TIAM1: variants seen among roughly 807,000 people sequenced by gnomAD.
TIAM1 encodes the protein TIAM Rac1 associated GEF 1.
A neutral mutation model predicts 163.5 loss-of-function variants in TIAM1; 65 were observed. The ratio of observed to expected loss-of-function variants is 0.40; its 90% CI spans 0.33 to 0.49. TIAM1 has a LOEUF of 0.49. TIAM1 is among the 20% of genes least tolerant of loss of function. TIAM1 has a pLI of 0.77. For synonymous variants in TIAM1, 833 were observed against 810.1 expected, an observed-to-expected ratio of 1.03 and a Z score of -0.48; for missense variants, 1,789 against 2,044.7, an observed-to-expected ratio of 0.87 and a Z score of 2.41.
intron 23 of TIAM1, among the ~76,000 whole-genome samples, chr21:31,133,997 G>A (rs1336395405): frequency 6.6e-6 from 1 of 152,044 alleles, no homozygotes; most frequent in Non-Finnish European, 1.5e-5. Context: ...GAACCTGGGA[G>A]GCAGAGGTTG....
At chr21:31,458,347 G>A (rs2045191310) in intron 2 of TIAM1, among the ~76,000 whole-genome samples, 1 of 151,936 alleles carries the variant, frequency 6.6e-6, no homozygotes, top group African/African-American at 2.4e-5. Context: ...TTGAACCCGG[G>A]AGACGGAGGT....
chr21:31,258,740 G>A (rs148480576), intron 4 of TIAM1, among the ~76,000 whole-genome samples: 5,423 of 151,716 alleles, frequency 0.036, 302 homozygotes, highest in African/African-American at 0.12. Context: ...ACTTGAACCC[G>A]GGAGGCGGAG....
intron 6 of TIAM1, among the ~76,000 whole-genome samples, chr21:31,237,443 T>C (rs1229827708): frequency 6.6e-6 from 1 of 152,226 alleles, no homozygotes; most frequent in Non-Finnish European, 1.5e-5. Flanking sequence ...ACTTAATTTT[T>C]GTAAAGATGC....
chr21:31,451,677 A>G (rs2147326444), intron 2 of TIAM1, among the ~76,000 whole-genome samples: 1 of 72,466 alleles, frequency 1.4e-5, no homozygotes, highest in East Asian at 2.6e-4. Context: ...TGGACAATTA[A>G]GCCAACACCA....
chr21:31,292,259 T>C (rs1382646676), intron 2 of TIAM1, among the ~76,000 whole-genome samples: 1 of 152,218 alleles, frequency 6.6e-6, no homozygotes, highest in East Asian at 1.9e-4. Flanking sequence ...TCTTTCCTCT[T>C]GTGTCCTTCT....
At chr21:31,331,487 C>T (rs2075677140) in intron 2 of TIAM1, among the ~76,000 whole-genome samples, 1 of 152,200 alleles carries the variant, frequency 6.6e-6, no homozygotes, top group South Asian at 2.1e-4. Flanking sequence ...GAAACTACTT[C>T]TCAACTATCT....
intron 2 of TIAM1, among the ~76,000 whole-genome samples, chr21:31,394,797 C>T (rs967791571): frequency 1.3e-5 from 2 of 151,420 alleles, no homozygotes; most frequent in Non-Finnish European, 2.9e-5. Context: ...CCAGGGCAAA[C>T]ACACAGGGCT....
chr21:31,331,223 A>G (rs1377486794), intron 2 of TIAM1, among the ~76,000 whole-genome samples: 2 of 152,234 alleles, frequency 1.3e-5, no homozygotes, highest in Admixed American at 6.5e-5. Context: ...TGGACACAGG[A>G]GTAGAAATGA....
chr21:31,343,466 G>A (rs1475599583), intron 1 of TIAM1, among the ~76,000 whole-genome samples: 1 of 152,158 alleles, frequency 6.6e-6, no homozygotes, highest in African/African-American at 2.4e-5. Context: ...AGGTAAGCTA[G>A]CTTTCACAGA....
In TIAM1 at chr21:31,141,621, T is replaced by G. The variant is rs1601250089; in HGVS notation, c.3476-117A>C. On this transcript the variant is annotated intron_variant, in intron 20 of 27. Transcript: ENST00000541036. The surrounding 1 kb of genome is among the most constrained non-coding windows in gnomAD (Gnocchi z 4.7). ...CCTTTTTGCAGGACTGAGCAGAGAG[T>G]GGGTGGCAGGAAGAGGGACAGGTAG... The G allele has an allele frequency of 4.3e-6, 5 of 1,170,994 alleles. No homozygotes were observed. The highest frequency in any genetic ancestry group is 3.0e-5 in the South Asian group (2 of 65,698). 72.5% of individuals were successfully genotyped at this position (1,170,994 alleles called of 1,614,324 possible). A position where few individuals can be genotyped will look rare whatever the true frequency, so the allele number is the denominator to read the frequency against.
chr21:31,252,170 C>T lies in TIAM1; in HGVS notation c.983G>A (p.Gly328Asp). 1 of 1,606,472 alleles carries T rather than the reference C, an allele frequency of 6.2e-7. No individual in the cohort carries two copies. Among genetic ancestry groups the T allele is most frequent in the Non-Finnish European group, 8.5e-7 (1 of 1,179,662 alleles). The stretch of plus-strand genomic sequence containing the variant: ...AATCCCACTGTCTGCAAACTCACTG[C>T]CCTCGCCTGCATTAACATCCTTGGG... ...KTTQDVNAGEGSEFADSGIEG... is the reference protein window; with the variant it reads ...KTTQDVNAGEDSEFADSGIEG... The change falls in exon 5 of 28, where the codon GGC (glycine) becomes GAC (aspartate). Residue 328 changes from glycine (G) to aspartate (D), a missense_variant. By Grantham distance (94) the Gly-to-Asp change is moderately conservative. This residue lies in a region of TIAM1 where 555 missense variants were observed against 564.9 expected (regional missense o/e 0.98). Coordinates refer to ENST00000541036, the MANE Select transcript of TIAM1 (RefSeq NM_001353694.2).
At chr21:31,416,446 T>C (rs35228755) in intron 2 of TIAM1, among the ~76,000 whole-genome samples, 7 of 152,102 alleles carry the variant, frequency 4.6e-5, no homozygotes, top group Admixed American at 3.9e-4. Flanking sequence ...CTGTACCCCA[T>C]ATGTAGTCTT....
At chr21:31,198,187 C>A (rs1453201425) in intron 12 of TIAM1, among the ~76,000 whole-genome samples, 1 of 152,182 alleles carries the variant, frequency 6.6e-6, no homozygotes, top group African/African-American at 2.4e-5. Flanking sequence ...CACAGCCATT[C>A]GTCCAGAAAC....
In TIAM1 at chr21:31,252,066, G is replaced by A; in HGVS notation, c.1087C>T (p.Arg363Trp). The change falls in exon 5 of 28, where the codon CGG becomes TGG. Residue 363 changes from arginine (R) to tryptophan (W), a missense_variant. Coordinates refer to ENST00000541036, the MANE Select transcript of TIAM1 (RefSeq NM_001353694.2). ...TNSSYSPTTG[R>W]AFVGSDSGSS... ...CCGCTGTCGCTGCCCACAAAGGCCC[G>A]GCCTGTGGTGGGTGAGTAGCTGGAG... 1 of 1,614,034 alleles carries A rather than the reference G, an allele frequency of 6.2e-7. No homozygotes were observed. The highest frequency in any genetic ancestry group is 8.5e-7 in the Non-Finnish European group (1 of 1,180,028).
intron 2 of TIAM1, among the ~76,000 whole-genome samples, chr21:31,374,179 C>T (rs1298096193): frequency 6.6e-6 from 1 of 152,038 alleles, no homozygotes; most frequent in East Asian, 1.9e-4. Context: ...GTGAAGAATG[C>T]CAACACCGAG....
chr21:31,472,298 G>A (rs527262766), intron 1 of TIAM1, among the ~76,000 whole-genome samples: 5 of 152,190 alleles, frequency 3.3e-5, no homozygotes, highest in East Asian at 1.9e-4. Flanking sequence ...AGGCTGAGGC[G>A]GGCAGATCAC....
chr21:31,260,710 A>AG (rs2072417551), intron 4 of TIAM1, among the ~76,000 whole-genome samples: 1 of 151,602 alleles, frequency 6.6e-6, no homozygotes, highest in Non-Finnish European at 1.5e-5. Flanking sequence ...GAAAAAAAAA[A>AG]AAGCATCAAA....
intron 6 of TIAM1, among the ~76,000 whole-genome samples, chr21:31,240,645 T>C (rs2071118114): frequency 6.6e-6 from 1 of 152,232 alleles, no homozygotes; most frequent in Non-Finnish European, 1.5e-5. Context: ...CTATTTGACC[T>C]GACTCAGACC....
intron 2 of TIAM1, among the ~76,000 whole-genome samples, chr21:31,439,077 G>T (rs906936124): frequency 1.3e-5 from 2 of 152,188 alleles, no homozygotes; most frequent in Admixed American, 1.3e-4. Flanking sequence ...TCATGCAGGG[G>T]AAAGTGCTAT....
Sources: allele counts gnomAD v4.1 joint callset (sites outside exome capture counted in the v4.1 genomes callset), GRCh38; gene constraint gnomAD v4.1.1; regional missense constraint gnomAD v4.1.1; non-coding constraint Gnocchi (gnomAD v3.1); transcripts MANE v1.5; gene names NCBI Gene and HGNC (gene_info 2026-07-23, HGNC 2026-07-21).